The following PPP2R3A variants were observed in gnomAD, a reference collection of about 807,000 sequenced individuals.
PPP2R3A encodes serine/threonine-protein phosphatase 2A regulatory subunit B'' subunit alpha.
In PPP2R3A, 80 loss-of-function variants were observed where a neutral mutation model predicts 106.9. The observed-to-expected ratio is 0.75, with a 90% CI of 0.62 to 0.90. The LOEUF (loss-of-function observed/expected upper bound fraction) is 0.90, where lower values mean the gene tolerates loss of function less well. Ranked by LOEUF, PPP2R3A falls within the 40% of genes least tolerant of loss-of-function variation. The pLI, the probability that PPP2R3A is intolerant of heterozygous loss-of-function variation, is 0.00. For synonymous variants in PPP2R3A, 483 were observed against 468.3 expected (o/e 1.03, Z -0.41); for missense variants, 1,386 against 1,350.4 (o/e 1.03, Z -0.41).
intron 1 of PPP2R3A, among the ~76,000 whole-genome samples, chr3:135,987,647 G>T (rs1236521893): frequency 1.3e-5 from 2 of 152,094 alleles, no homozygotes; most frequent in Non-Finnish European, 2.9e-5. Context: ...AAACATAAGA[G>T]ACCTATGGAG....
rs1372820865 is a variant in PPP2R3A, at chr3:136,012,508, G to C, written c.1995+9015G>C. 2.0e-5 allele frequency among the ~76,000 whole-genome samples: 3 copies of C among 152,252 alleles called. No homozygotes were observed. In the South Asian group the frequency reaches 6.2e-4, roughly 32 times the overall value. Reference sequence around the variant, plus strand: ...GCTTTCCTATTTTGCTGCAGCCAGTGAAGTCAAGGCTAGAGAATTAGGCTG... The same window carrying C: ...GCTTTCCTATTTTGCTGCAGCCAGTCAAGTCAAGGCTAGAGAATTAGGCTG... On this transcript the variant is annotated intron_variant, in intron 2 of 13. Coordinates refer to ENST00000264977, the MANE Select transcript of PPP2R3A (RefSeq NM_002718.5).
At chr3:136,058,669 A>G (rs115962419) in intron 5 of PPP2R3A, among the ~76,000 whole-genome samples, 1,861 of 152,322 alleles carry the variant, frequency 0.012, 39 homozygotes, top group African/African-American at 0.043. Flanking sequence ...TAAAATTAAT[A>G]TGGAACGAAA....
intron 13 of PPP2R3A, among the ~76,000 whole-genome samples, chr3:136,120,050 T>G (rs554581394): frequency 6.7e-6 from 1 of 149,284 alleles, no homozygotes; most frequent in African/African-American, 2.5e-5. Flanking sequence ...TCACGTCCTT[T>G]GCAGGGACAT....
rs111646819 is a variant in PPP2R3A at position 136,032,459 on chromosome 3, G to A, written c.2262+5361G>A. Among the ~76,000 whole-genome samples, 7 of 151,096 alleles carry A rather than the reference G, an allele frequency of 4.6e-5. 1 individual carries two copies. The highest frequency in any genetic ancestry group is 1.5e-4 in the African/African-American group (6 of 41,214). On this transcript the variant is annotated intron_variant, in intron 3 of 13. Transcript: ENST00000264977. ...AGTTTTTAGGATCTTCTGGGTAAAC[G>A]ATCATATCATCAGCAAACAGCGAGA...
intron 13 of PPP2R3A, among the ~76,000 whole-genome samples, chr3:136,112,837 C>G (rs1194831435): frequency 2.6e-5 from 4 of 152,028 alleles, no homozygotes; most frequent in African/African-American, 2.4e-5. Flanking sequence ...AAAACTATTA[C>G]AAAATTCATA....
chr3:136,042,593 T>C (rs566461692), intron 4 of PPP2R3A, among the ~76,000 whole-genome samples: 1 of 152,352 alleles, frequency 6.6e-6, no homozygotes, highest in Admixed American at 6.5e-5. Context: ...GTTTAAATTT[T>C]ATCTGTAAGG....
chr3:136,033,239 G>A (rs1934968653), intron 3 of PPP2R3A, among the ~76,000 whole-genome samples: 2 of 152,124 alleles, frequency 1.3e-5, no homozygotes, highest in African/African-American at 4.8e-5. Flanking sequence ...CTTAATCATG[G>A]TGGATTATCT....
chr3:136,097,971 A>C (rs897296035), intron 10 of PPP2R3A, among the ~76,000 whole-genome samples: 7 of 152,254 alleles, frequency 4.6e-5, no homozygotes, highest in African/African-American at 1.4e-4. Context: ...CTGAGAGTAG[A>C]TATGATATGA....
chr3:136,103,742 A>G (rs1028493703), intron 12 of PPP2R3A, among the ~76,000 whole-genome samples: 6 of 152,208 alleles, frequency 3.9e-5, no homozygotes, highest in Admixed American at 6.5e-5. Flanking sequence ...ATTCACTTGT[A>G]CCATTCATTT....
At chr3:136,022,630 C>T (rs1934505144) in intron 2 of PPP2R3A, 1 of 341,278 alleles carries the variant, frequency 2.9e-6, no homozygotes. Context: ...TGGATTGACA[C>T]CTCACATACC....
At chr3:136,072,224 C>G (rs796908136) in intron 6 of PPP2R3A, among the ~76,000 whole-genome samples, 2 of 152,110 alleles carry the variant, frequency 1.3e-5, no homozygotes, top group African/African-American at 4.8e-5. Flanking sequence ...TCTATGTCCT[C>G]AGTACCTAGA....
intron 5 of PPP2R3A, among the ~76,000 whole-genome samples, chr3:136,061,793 G>A (rs1424231120): frequency 2.0e-5 from 3 of 151,536 alleles, no homozygotes; most frequent in Admixed American, 2.0e-4. Flanking sequence ...GGTGGCGGGT[G>A]CCTATAGTCC....
intron 13 of PPP2R3A, among the ~76,000 whole-genome samples, chr3:136,139,463 A>AC (rs1553761162): frequency 2.6e-5 from 4 of 151,520 alleles, no homozygotes; most frequent in African/African-American, 9.7e-5. Flanking sequence ...TGGGAGGCCG[A>AC]GGGGGGGGAT....
At chr3:136,102,310 T>C in intron 11 of PPP2R3A, 128 bp downstream of exon 11, 2 of 1,039,808 alleles carry the variant, frequency 1.9e-6, no homozygotes, top group Non-Finnish European at 2.7e-6. Context: ...ACAGAAGTGT[T>C]TAAAGTTTCT....
Position 135,969,731 on chromosome 3 carries a change from G to C in PPP2R3A, c.-441+3882G>C, listed in dbSNP as rs1401726762. Among the ~76,000 whole-genome samples the C allele has an allele frequency of 2.6e-5, 4 of 152,260 alleles. No individual in the cohort carries two copies. The East Asian group carries it at 7.7e-4, about 29-fold the overall frequency. ...TTGCCCATACAGTGGTTTTGTTATT[G>C]TTTAATTTTGAATTAGTTGCCAATA... On this transcript the variant is annotated intron_variant, in intron 1 of 13. Coordinates refer to ENST00000264977, the MANE Select transcript of PPP2R3A (RefSeq NM_002718.5).
intron 13 of PPP2R3A, among the ~76,000 whole-genome samples, chr3:136,135,254 A>G (rs1233298679): frequency 8.5e-5 from 13 of 152,146 alleles, no homozygotes; most frequent in Admixed American, 8.5e-4. Flanking sequence ...GGGAGATAAG[A>G]TAAGGCCTAC....
intron 1 of PPP2R3A, among the ~76,000 whole-genome samples, chr3:135,994,701 A>C (rs1392045767): frequency 6.6e-6 from 1 of 152,048 alleles, no homozygotes; most frequent in African/African-American, 2.4e-5. Flanking sequence ...TATTTGGAGG[A>C]GACTTTAAAA....
Position 136,064,387 on chromosome 3 carries a change from C to T in PPP2R3A, c.2470-6091C>T, listed in dbSNP as rs573388149. Among the ~76,000 whole-genome samples the T allele has an allele frequency of 1.3e-4, 20 of 151,594 alleles. No homozygotes were observed. In the South Asian group the frequency reaches 2.5e-3, roughly 19 times the overall value. ...ACATATGTAACTAACCTGCACGTTG[C>T]GCACATGTACCCTAAAACTTAAAGT... On this transcript the variant is annotated intron_variant, in intron 5 of 13. Coordinates refer to ENST00000264977, the MANE Select transcript of PPP2R3A (RefSeq NM_002718.5).
intron 13 of PPP2R3A, among the ~76,000 whole-genome samples, chr3:136,139,449 C>A (rs1317846141): frequency 1.3e-5 from 2 of 151,950 alleles, no homozygotes; most frequent in Middle Eastern, 3.2e-3. Flanking sequence ...TACTCCCAGC[C>A]CTTTGGGAGG....
Sources: allele counts gnomAD v4.1 joint callset (sites outside exome capture counted in the v4.1 genomes callset), GRCh38; gene constraint gnomAD v4.1.1; transcripts MANE v1.5; gene names NCBI Gene and HGNC (gene_info 2026-07-23, HGNC 2026-07-21).